Variants in LRP1 observed in about 807,000 individuals in gnomAD.
The protein encoded by LRP1 is prolow-density lipoprotein receptor-related protein 1.
Under a neutral mutation model 541.5 loss-of-function variants are expected in LRP1, and 51 were observed. The observed-to-expected ratio is 0.09, with a 90% CI of 0.08 to 0.12. The LOEUF is 0.12. LRP1 is among the 10% of genes least tolerant of loss of function. The pLI is 1.00. For missense variants in LRP1, 3,878 were observed against 6,376.2 expected, an observed-to-expected ratio of 0.61 and a Z score of 13.34; for synonymous variants, 2,219 against 2,470.8, an observed-to-expected ratio of 0.90 and a Z score of 3.02.
rs762485864 is a variant in LRP1 at position 57,210,164 on chromosome 12, C to T, written c.12575C>T (p.Pro4192Leu). ...CVPVPSPTPP[P>L]DAPRPGTCNL... ...CCTGTGCCCTCTCCAACGCCCCCCC[C>T]AGATGGTATGCTTATGCCCTCCCAG... Residue 4192 changes from proline to leucine, a missense_variant, in exon 81 of 89, where the codon CCA (proline) becomes CTA (leucine). Pro to Leu is a moderately conservative substitution (Grantham distance 98, BLOSUM62 -3). Transcript: ENST00000243077. 2 of 1,597,350 alleles carry T rather than the reference C, an allele frequency of 1.3e-6. No homozygotes were observed. The highest frequency in any genetic ancestry group is 1.7e-5 in the Admixed American group (1 of 58,448).
intron 44 of LRP1, among the ~76,000 whole-genome samples, chr12:57,192,486 C>T (rs1565744612): frequency 6.6e-6 from 1 of 152,150 alleles, no homozygotes; most frequent in Admixed American, 6.5e-5. Flanking sequence ...TGCCCCAGCG[C>T]CCCCCACCAC....
Position 57,199,974 on chromosome 12 carries a change from C to A in LRP1, c.9963C>A (p.Phe3321Leu). Residue 3321 changes from phenylalanine (F) to leucine (L), a missense_variant, in exon 62 of 89, where the codon TTC (phenylalanine) becomes TTA (leucine). Phe to Leu is a conservative substitution (Grantham distance 22). Coordinates refer to ENST00000243077, the MANE Select transcript of LRP1 (RefSeq NM_002332.3). The stretch of plus-strand genomic sequence containing the variant: ...ACAAATGTGCCTGCCCCACCAACTT[C>A]TACCTGGGCAGCGATGGGCGCACCT... ...GGHKCACPTN[F>L]YLGSDGRTCV... 6.3e-7 allele frequency: 1 copy of A among 1,595,840 alleles called. No individual in the cohort carries two copies. Among genetic ancestry groups the A allele is most frequent in the South Asian group, 1.1e-5 (1 of 88,438 alleles).
intron 4 of LRP1, 77 bp from the exon 5 acceptor site, chr12:57,144,895 G>C (rs866908508): frequency 1.4e-6 from 2 of 1,412,476 alleles, no homozygotes; most frequent in Middle Eastern, 3.8e-4. Flanking sequence ...TGGACATGTT[G>C]ATCATGTCTG....
At chr12:57,210,504 C>A in intron 82 of LRP1, 24 bp downstream of exon 82, 3 of 1,520,442 alleles carry the variant, frequency 2.0e-6, no homozygotes, top group South Asian at 2.6e-5. Context: ...TCCCGCCACG[C>A]CTGCTCCTTG....
In LRP1 at chr12:57,155,156, G is replaced by T. The variant is rs1449800468; in HGVS notation, c.1227+455G>T. The T allele has an allele frequency of 2.1e-5, 6 of 285,118 alleles. No homozygotes were observed. The East Asian group carries it at 4.6e-4, about 22-fold the overall frequency. 17.7% of individuals were successfully genotyped at this position (285,118 alleles called of 1,614,324 possible). On this transcript the variant is annotated intron_variant, in intron 8 of 88. Transcript: ENST00000243077. ...TGAGCAACCAGCCCAGTTTGCCTAG[G>T]ACTGTCCCAGTTTTAGCCCTGAAAG...
chr12:57,149,546 C>T (rs1166217474), intron 6 of LRP1: 30 of 660,780 alleles, frequency 4.5e-5, no homozygotes, highest in Non-Finnish European at 7.1e-5. Context: ...AAGGATTTCT[C>T]AATAGAGGGA....
intron 19 of LRP1, among the ~76,000 whole-genome samples, chr12:57,167,914 G>T (rs912907961): frequency 6.6e-6 from 1 of 152,232 alleles, no homozygotes; most frequent in African/African-American, 2.4e-5. Flanking sequence ...CTGGGCTTCA[G>T]GCTCAGAAGC....
intron 10 of LRP1, among the ~76,000 whole-genome samples, chr12:57,157,220 G>A (rs950800004): frequency 1.3e-5 from 2 of 152,238 alleles, no homozygotes; most frequent in Non-Finnish European, 2.9e-5. Flanking sequence ...AGCAGCGAAC[G>A]AGATAGATGT....
chr12:57,209,879 AGG>A lies in LRP1; in HGVS notation c.12439+14_12439+15del. Reference sequence around the variant, plus strand: ...ACAAGCAGCCCGAAGGTGGGGGCAGAGGGGAGCCTGGGCTGGGGAAGGGAGGC... The same window carrying A: ...ACAAGCAGCCCGAAGGTGGGGGCAGAGGAGCCTGGGCTGGGGAAGGGAGGC... On this transcript the variant is annotated intron_variant, in intron 80 of 88. Transcript: ENST00000243077. 6.2e-7 allele frequency: 1 copy of A among 1,612,064 alleles called. No homozygotes were observed. The highest frequency in any genetic ancestry group is 8.5e-7 in the Non-Finnish European group (1 of 1,178,890).
Position 57,204,612 on chromosome 12 carries a change from C to T in LRP1, c.11072-15C>T. The T allele has an allele frequency of 6.2e-7, 1 of 1,613,590 alleles. No individual in the cohort carries two copies. The highest frequency in any genetic ancestry group is 8.5e-7 in the Non-Finnish European group (1 of 1,179,768). On this transcript the variant is annotated splice_polypyrimidine_tract_variant and intron_variant, in intron 71 of 88. Coordinates refer to ENST00000243077, the MANE Select transcript of LRP1 (RefSeq NM_002332.3). The surrounding 1 kb of genome is among the most constrained non-coding windows in gnomAD (Gnocchi z 5.3). The stretch of plus-strand genomic sequence containing the variant: ...CAAGACTAATTCTGGCTCTGTGTCC[C>T]CCTGGCTGCTGCAGCCCGGTTCGTG...
intron 6 of LRP1, among the ~76,000 whole-genome samples, chr12:57,152,887 G>A (rs2035551796): frequency 6.6e-6 from 1 of 152,148 alleles, no homozygotes; most frequent in Non-Finnish European, 1.5e-5. Context: ...CGGCGTTCCT[G>A]TTCTTTTTGC....
At chr12:57,181,399 G>C (rs772974784) in intron 34 of LRP1, 108 bp downstream of exon 34, 1 of 1,361,322 alleles carries the variant, frequency 7.3e-7, no homozygotes, top group Non-Finnish European at 9.9e-7. Flanking sequence ...GACTACATTC[G>C]TCGTGTAGGG....
In LRP1 at chr12:57,173,405, C is replaced by G; in HGVS notation, c.3346+55C>G. 6.4e-7 allele frequency: 1 copy of G among 1,563,140 alleles called. No individual in the cohort carries two copies. The highest frequency in any genetic ancestry group is 8.7e-7 in the Non-Finnish European group (1 of 1,143,924). ...ACAGCACAATGTGGGCAGGAGGAGA[C>G]CGTGTTGAGAGCAGAGTAGCGGCAA... On this transcript the variant is annotated intron_variant, in intron 21 of 88. Transcript: ENST00000243077. This position sits in a 1 kb window ranked among gnomAD's most constrained non-coding sequence, Gnocchi z 4.7.
rs1168755305 is a variant in LRP1 at position 57,169,127 on chromosome 12, C to A, written c.2996-13C>A. On this transcript the variant is annotated splice_polypyrimidine_tract_variant and intron_variant, in intron 19 of 88. Coordinates refer to ENST00000243077, the MANE Select transcript of LRP1 (RefSeq NM_002332.3). The stretch of plus-strand genomic sequence containing the variant: ...CTCCCGCTTTGCCTCTCCCCTTCTT[C>A]CCCCACCGCCAGACAATGACTGTGG... 1 of 1,592,280 alleles carries A rather than the reference C, an allele frequency of 6.3e-7. No homozygotes were observed. The highest frequency in any genetic ancestry group is 8.6e-7 in the Non-Finnish European group (1 of 1,162,570).
Position 57,205,201 on chromosome 12 carries a change from A to C in LRP1, c.11287A>C (p.Met3763Leu). 1 of 1,613,836 alleles carries C rather than the reference A, an allele frequency of 6.2e-7. No individual in the cohort carries two copies. Among genetic ancestry groups the C allele is most frequent in the Non-Finnish European group, 8.5e-7 (1 of 1,179,982 alleles). The change falls in exon 73 of 89, where the codon ATG (methionine) becomes CTG (leucine). Residue 3763 changes from methionine to leucine, a missense_variant. Met to Leu is a conservative substitution (Grantham distance 15, BLOSUM62 2). Coordinates refer to ENST00000243077, the MANE Select transcript of LRP1 (RefSeq NM_002332.3). The surrounding 1 kb of genome is among the most constrained non-coding windows in gnomAD (Gnocchi z 4.6). ...CCTCTCCTCCTCCCTGCGCTGCAAC[A>C]TGTTCGATGACTGCGGGGACGGCTC... Reference protein sequence around the residue: ...RCLSSSLRCNMFDDCGDGSDE... With the variant: ...RCLSSSLRCNLFDDCGDGSDE...
At position 57,145,329 on chromosome 12, in the gene LRP1, C is replaced by A; in HGVS notation, c.680C>A (p.Thr227Lys). ...GTGTCTACCATCACACCTACGAGCA[C>A]GCGGCAGACCACAGCCATGGACTTC... Reference protein sequence around the residue: ...AQVSTITPTSTRQTTAMDFSY... With the variant: ...AQVSTITPTSKRQTTAMDFSY... Residue 227 changes from threonine (T) to lysine (K), a missense_variant, in exon 6 of 89, where the codon ACG becomes AAG. Transcript: ENST00000243077. 1 of 1,614,162 alleles carries A rather than the reference C, an allele frequency of 6.2e-7. No individual in the cohort carries two copies. The highest frequency in any genetic ancestry group is 8.5e-7 in the Non-Finnish European group (1 of 1,180,042).
chr12:57,203,553 T>C, intron 70 of LRP1, 32 bp downstream of exon 70: 1 of 1,480,786 alleles, frequency 6.8e-7, no homozygotes, highest in Non-Finnish European at 9.0e-7. Flanking sequence ...CCCTGGGTCC[T>C]CCCTCTGCTG....
Position 57,162,275 on chromosome 12 carries a change from A to C in LRP1, c.2203-42A>C. On this transcript the variant is annotated intron_variant, in intron 13 of 88. Coordinates refer to ENST00000243077, the MANE Select transcript of LRP1 (RefSeq NM_002332.3). The surrounding 1 kb of genome is among the most constrained non-coding windows in gnomAD (Gnocchi z 5.2). ...AACAGTGATCTCACAGGCCTCCCTC[A>C]ATTTTCTTCCAACTCCTTAGTAACA... The C allele has an allele frequency of 6.5e-7, 1 of 1,539,864 alleles. No individual in the cohort carries two copies. Among genetic ancestry groups the C allele is most frequent in the Non-Finnish European group, 9.0e-7 (1 of 1,113,156 alleles).
In LRP1 at chr12:57,169,302, A is replaced by G. The variant is rs2035899408; in HGVS notation, c.3158A>G (p.Asn1053Ser). 6.2e-7 allele frequency: 1 copy of G among 1,601,646 alleles called. No individual in the cohort carries two copies. The highest frequency in any genetic ancestry group is 1.3e-5 in the African/African-American group (1 of 74,862). The part of the protein sequence containing the change: ...YSDETHANCT[N>S]QATRPPGGCH... Reference sequence around the variant, plus strand: ...GATGAGACACACGCCAACTGCACCAACCAGGGTGGGCACCAGGGGCCCGTG... The same window carrying G: ...GATGAGACACACGCCAACTGCACCAGCCAGGGTGGGCACCAGGGGCCCGTG... Residue 1053 changes from asparagine to serine, a missense_variant, in exon 20 of 89, where the codon AAC becomes AGC. Physicochemically the swap from Asn to Ser is conservative, Grantham distance 46 (BLOSUM62 1). Around this residue, in one of 13 missense-constraint regions of LRP1, gnomAD observed 320 missense variants for 547.9 expected, o/e 0.58. Coordinates refer to ENST00000243077, the MANE Select transcript of LRP1 (RefSeq NM_002332.3).
Sources: gnomAD v4.1 joint callset for allele counts (sites outside exome capture counted in the v4.1 genomes callset) on GRCh38, gnomAD v4.1.1 for gene constraint, gnomAD v4.1.1 regional missense constraint, Gnocchi (gnomAD v3.1) non-coding constraint, MANE v1.5 for transcripts, NCBI Gene and HGNC (gene_info 2026-07-23, HGNC 2026-07-21) for gene names.